The following DYNC2LI1 variants were observed in gnomAD, a reference collection of about 807,000 sequenced individuals.
The protein encoded by DYNC2LI1 is cytoplasmic dynein 2 light intermediate chain 1.
A neutral mutation model predicts 51.9 loss-of-function variants in DYNC2LI1; 45 were observed. The ratio of observed to expected loss-of-function variants is 0.87; its 90% CI spans 0.68 to 1.11. The LOEUF is 1.11. DYNC2LI1 is among the 50% of genes most tolerant of loss of function. DYNC2LI1 has a pLI of 0.00. For synonymous variants in DYNC2LI1, 130 were observed against 137.8 expected (o/e 0.94, Z 0.40); for missense variants, 490 against 417.4 (o/e 1.17, Z -1.51).
At position 43,805,199 on chromosome 2, in the gene DYNC2LI1, C is replaced by A; in HGVS notation, c.946C>A (p.Gln316Lys). The A allele has an allele frequency of 6.2e-7, 1 of 1,611,930 alleles. No homozygotes were observed. Among genetic ancestry groups the A allele is most frequent in the South Asian group, 1.1e-5 (1 of 90,964 alleles). Residue 316 changes from glutamine to lysine, a missense_variant, in exon 12 of 13, where the codon CAG (glutamine) becomes AAG (lysine). Coordinates refer to ENST00000260605, the MANE Select transcript of DYNC2LI1 (RefSeq NM_016008.4). ...TATCAAGGACCCTGCGAGAGATCCTCAGTATGCTGAAAATGAAGTCGATGA... is the reference window on the plus strand; with the variant it reads ...TATCAAGGACCCTGCGAGAGATCCTAAGTATGCTGAAAATGAAGTCGATGA... ...KDIKDPARDPQYAENEVDEMR... is the reference protein window; with the variant it reads ...KDIKDPARDPKYAENEVDEMR...
chr2:43,823,912 C>A, the DYNC2LI1 span: 2 of 1,613,876 alleles, frequency 1.2e-6, no homozygotes, highest in Admixed American at 1.7e-5. Flanking sequence ...TGGGCACTTA[C>A]ACAGATTCAC....
intron 1 of DYNC2LI1, among the ~76,000 whole-genome samples, 200 bp downstream of exon 1, chr2:43,774,346 A>G (rs2104649336): frequency 1.3e-5 from 2 of 152,340 alleles, no homozygotes; most frequent in Middle Eastern, 3.4e-3. Context: ...CCCTAGGTAG[A>G]AAAGTGAGAG....
intron 4 of DYNC2LI1, among the ~76,000 whole-genome samples, chr2:43,789,293 G>A (rs78029623): frequency 0.043 from 6,565 of 152,108 alleles, 382 homozygotes; most frequent in African/African-American, 0.13. Context: ...AAGATAATAC[G>A]AAATTTGTTG....
At chr2:43,805,327 T>C in intron 12 of DYNC2LI1, 81 bp downstream of exon 12, 1 of 812,978 alleles carries the variant, frequency 1.2e-6, no homozygotes, top group Non-Finnish European at 2.0e-6. Context: ...CTTACATTTT[T>C]CTCTATGTAT....
At chr2:43,805,302 G>T (rs1216320440) in intron 12 of DYNC2LI1, 56 bp downstream of exon 12, 3 of 1,145,500 alleles carry the variant, frequency 2.6e-6, no homozygotes, top group Admixed American at 1.8e-5. Context: ...AAAACCTGGG[G>T]TGCCTTGGGA....
Position 43,774,142 on chromosome 2 carries a change from C to A in DYNC2LI1, c.4C>A (p.Pro2Thr). 6.2e-7 allele frequency: 1 copy of A among 1,613,960 alleles called. No individual in the cohort carries two copies. The highest frequency in any genetic ancestry group is 1.7e-5 in the Admixed American group (1 of 60,022). The change falls in exon 1 of 13, where the codon CCC becomes ACC. Residue 2 changes from proline (P) to threonine (T), a missense_variant. Transcript: ENST00000260605. M[P>T]SETLWEIAKA... ...TGCGGCAGCCAGGCCGTCGACGATG[C>A]CCAGGTATTCCCTGAACCCGGCTTG... is the stretch of plus-strand genomic sequence containing the variant.
chr2:43,792,087 T>C (rs897500938), intron 5 of DYNC2LI1, among the ~76,000 whole-genome samples: 69 of 152,118 alleles, frequency 4.5e-4, no homozygotes, highest in African/African-American at 1.4e-3. Flanking sequence ...AACACAACCA[T>C]ACCAAAACCC....
chr2:43,785,711 TAAATA>T (rs142581763), intron 3 of DYNC2LI1, among the ~76,000 whole-genome samples: 179 of 150,100 alleles, frequency 1.2e-3, no homozygotes, highest in African/African-American at 3.9e-3. Flanking sequence ...AAAAAATAAA[TAAATA>T]AAATAAAATA....
intron 8 of DYNC2LI1, among the ~76,000 whole-genome samples, chr2:43,798,493 G>T (rs542468822): frequency 6.6e-6 from 1 of 152,326 alleles, no homozygotes; most frequent in East Asian, 1.9e-4. Flanking sequence ...TGCCACTAGA[G>T]AGGGTCACAC....
At chr2:43,810,467 C>T (rs770513367), downstream of DYNC2LI1, 23 of 985,382 alleles carry the variant, frequency 2.3e-5, no homozygotes, top group Non-Finnish European at 2.4e-5. Flanking sequence ...GTGGGATAGC[C>T]TTTAAGAAGC....
At chr2:43,786,937 A>G (rs964140002) in intron 3 of DYNC2LI1, among the ~76,000 whole-genome samples, 3 of 152,282 alleles carry the variant, frequency 2.0e-5, no homozygotes, top group Non-Finnish European at 2.9e-5. Flanking sequence ...GCCTCAACAC[A>G]TTCTCTACTT....
chr2:43,822,493 C>CTT, the DYNC2LI1 span: 9 of 922,766 alleles, frequency 9.8e-6, no homozygotes, highest in Non-Finnish European at 9.0e-6. Flanking sequence ...CCCCCATGCA[C>CTT]CTGGGTCCTA....
chr2:43,804,436 C>T (rs540645395), intron 10 of DYNC2LI1, among the ~76,000 whole-genome samples: 1 of 152,322 alleles, frequency 6.6e-6, no homozygotes, highest in African/African-American at 2.4e-5. Flanking sequence ...TTACCCATTA[C>T]TCTTTGCCTC....
chr2:43,786,741 G>A (rs887016043), intron 3 of DYNC2LI1, among the ~76,000 whole-genome samples: 2 of 152,144 alleles, frequency 1.3e-5, no homozygotes, highest in Admixed American at 1.3e-4. Flanking sequence ...CAGGAGAATG[G>A]CGTGAACCCA....
chr2:43,820,425 C>G, the DYNC2LI1 span, among the ~76,000 whole-genome samples: 1 of 152,162 alleles, frequency 6.6e-6, no homozygotes, highest in Non-Finnish European at 1.5e-5. Flanking sequence ...CTACAGGCAT[C>G]TTCATAAATA....
Position 43,808,719 on chromosome 2 carries a change from A to G in DYNC2LI1, c.994-986A>G, listed in dbSNP as rs565520476. Among the ~76,000 whole-genome samples the G allele has an allele frequency of 7.2e-5, 11 of 152,256 alleles. No individual in the cohort carries two copies. The South Asian group carries it at 1.7e-3, about 23-fold the overall frequency. On this transcript the variant is annotated intron_variant, in intron 12 of 12. Coordinates refer to ENST00000260605, the MANE Select transcript of DYNC2LI1 (RefSeq NM_016008.4). Reference sequence around the variant, plus strand: ...AATGGAAGTATCCTGCCCTCTCCCTATCTGTGTGCTTTTTTCATGTGGCAC... The same window carrying G: ...AATGGAAGTATCCTGCCCTCTCCCTGTCTGTGTGCTTTTTTCATGTGGCAC...
chr2:43,813,709 G>GTTTTTTTTTTTTTTTTTTTTTTTTTTTTT (rs1214033245), downstream of DYNC2LI1, among the ~76,000 whole-genome samples: 1 of 34,072 alleles, frequency 2.9e-5, no homozygotes, highest in Non-Finnish European at 5.4e-5. Flanking sequence ...TTTTTTTTTC[G>GTTTTTTTTTTTTTTTTTTTTTTTTTTTTT]TTTTTTTTTT....
At chr2:43,813,245 A>C (rs1338184024), downstream of DYNC2LI1, 2 of 1,613,964 alleles carry the variant, frequency 1.2e-6, no homozygotes, top group Non-Finnish European at 1.7e-6. Context: ...AGGTTTTCTC[A>C]ATGAATTGAA....
intron 7 of DYNC2LI1, 94 bp downstream of exon 7, chr2:43,796,052 A>G: frequency 1.1e-6 from 1 of 922,168 alleles, no homozygotes; most frequent in Non-Finnish European, 1.7e-6. Context: ...TAAGAAAAAT[A>G]ATTATTGAAG....
Sources: gnomAD v4.1 joint callset for allele counts (sites outside exome capture counted in the v4.1 genomes callset) on GRCh38, gnomAD v4.1.1 for gene constraint, MANE v1.5 for transcripts, NCBI Gene and HGNC (gene_info 2026-07-23, HGNC 2026-07-21) for gene names.